Variants in TBATA observed in about 807,000 individuals in gnomAD.
TBATA encodes the protein thymus, brain and testes associated, also known as protein TBATA.
Under a neutral mutation model 38.7 loss-of-function variants are expected in TBATA, and 47 were observed. That is an observed-to-expected ratio of 1.21 (90% CI 0.96 to 1.55). TBATA has a LOEUF of 1.55. Ranked by LOEUF, TBATA falls within the 40% of genes most tolerant of loss-of-function variation. The pLI, the probability that TBATA is intolerant of heterozygous loss-of-function variation, is 0.00. For synonymous variants in TBATA, 183 were observed against 170.5 expected (o/e 1.07, Z -0.57); for missense variants, 436 against 435.6 (o/e 1.00, Z -0.01).
At chr10:70,782,725 G>A (rs1009277831) in intron 3 of TBATA, 8 of 838,748 alleles carry the variant, frequency 9.5e-6, no homozygotes, top group Non-Finnish European at 1.0e-5. Flanking sequence ...TCCCCTTCCT[G>A]AGGACGCTAT....
At position 70,776,339 on chromosome 10, in the gene TBATA, C is replaced by G. The variant is rs143042477; in HGVS notation, c.693+814G>C. On this transcript the variant is annotated intron_variant, in intron 7 of 10. Coordinates refer to ENST00000456372, the MANE Select transcript of TBATA (RefSeq NM_001318241.2). ...GTCCAACTTACCTGCCTTGTGCCCCCTCCCCACAGGACCTGAGAACCTAAT... is the reference window on the plus strand; with the variant it reads ...GTCCAACTTACCTGCCTTGTGCCCCGTCCCCACAGGACCTGAGAACCTAAT... The G allele has an allele frequency of 2.6e-4, 117 of 456,398 alleles. 1 individual carries two copies. The highest frequency in any genetic ancestry group is 2.1e-3 in the African/African-American group (107 of 50,204). The allele number at this position is 456,398 out of a possible 1,614,324, so 28.3% of individuals were successfully genotyped here.
At chr10:70,776,224 G>C in intron 7 of TBATA, 1 of 398,668 alleles carries the variant, frequency 2.5e-6, no homozygotes, top group Non-Finnish European at 5.1e-6. Flanking sequence ...CCAGGCCTCT[G>C]CCTGCTTAGG....
In TBATA at chr10:70,783,532, G is replaced by A; in HGVS notation, c.-146-7C>T. ...GTGTAAACGGGAACAGGCACTTTAG[G>A]GGGAGAAATGGTAATATCTTTTAAA... On this transcript the variant is annotated splice_polypyrimidine_tract_variant and splice_region_variant and intron_variant, in intron 2 of 10. Coordinates refer to ENST00000456372, the MANE Select transcript of TBATA (RefSeq NM_001318241.2). The A allele has an allele frequency of 1.3e-6, 1 of 761,454 alleles. No homozygotes were observed. The highest frequency in any genetic ancestry group is 2.2e-6 in the Non-Finnish European group (1 of 451,958). 47.2% of individuals were successfully genotyped at this position (761,454 alleles called of 1,614,324 possible).
rs575229807 is a variant in TBATA, at chr10:70,777,412, C to A, written c.508-74G>T. 3,199 of 1,416,712 alleles carry A rather than the reference C, an allele frequency of 2.3e-3. 7 individuals are homozygous for A. The highest frequency in any genetic ancestry group is 2.8e-3 in the Non-Finnish European group (2,926 of 1,035,418). The allele number at this position is 1,416,712 out of a possible 1,614,324, so 87.8% of individuals were successfully genotyped here. On this transcript the variant is annotated intron_variant, in intron 6 of 10. Transcript: ENST00000456372. ...AAGAGGGCTGAGGGGAGGAGAGGAG[C>A]AGGAGGCCGGGTCACAATCCCAGGG...
At chr10:70,772,435 T>TTGAC in intron 10 of TBATA, 79 bp downstream of exon 10, 1 of 1,376,708 alleles carries the variant, frequency 7.3e-7, no homozygotes. Flanking sequence ...CATCTCCAAG[T>TTGAC]TGACTGGAAT....
intron 7 of TBATA, 59 bp from the exon 8 acceptor site, chr10:70,775,329 T>G: frequency 6.6e-7 from 1 of 1,505,022 alleles, no homozygotes; most frequent in Non-Finnish European, 9.2e-7. Flanking sequence ...TACAGGCAAA[T>G]GTAGGTTTGG....
chr10:70,777,080 C>A, intron 7 of TBATA, 73 bp downstream of exon 7: 1 of 1,493,388 alleles, frequency 6.7e-7, no homozygotes, highest in African/African-American at 1.4e-5. Context: ...CTGGGAGGGG[C>A]CTTGCCCTAA....
At chr10:70,775,081 C>A (rs2132844444) in intron 8 of TBATA, 108 bp downstream of exon 8, 1 of 1,041,062 alleles carries the variant, frequency 9.6e-7, no homozygotes, top group South Asian at 1.6e-5. Flanking sequence ...CATGGAAGGC[C>A]CCCTCCAGGG....
At chr10:70,779,930 G>A (rs1054290243) in intron 4 of TBATA, among the ~76,000 whole-genome samples, 188 bp from the exon 5 acceptor site, 1 of 152,100 alleles carries the variant, frequency 6.6e-6, no homozygotes, top group Admixed American at 6.5e-5. Flanking sequence ...CCCACGGGGG[G>A]ATCCTAGAAT....
At chr10:70,773,687 A>C (rs1008327769) in intron 9 of TBATA, among the ~76,000 whole-genome samples, 2 of 152,182 alleles carry the variant, frequency 1.3e-5, no homozygotes, top group African/African-American at 4.8e-5. Context: ...ATACTGCCTC[A>C]GTGGGTTGTT....
chr10:70,782,155 C>T (rs1157173927), intron 3 of TBATA, 119 bp from the exon 4 acceptor site: 2 of 1,287,348 alleles, frequency 1.6e-6, no homozygotes, highest in Non-Finnish European at 2.1e-6. Flanking sequence ...AATCTGGTTT[C>T]CTGGGTTTCA....
At chr10:70,773,828 C>T (rs572425646) in intron 9 of TBATA, among the ~76,000 whole-genome samples, 1 of 152,368 alleles carries the variant, frequency 6.6e-6, no homozygotes, top group South Asian at 2.1e-4. Flanking sequence ...TAATCTTTCT[C>T]TTCCAGCCAT....
At position 70,778,594 on chromosome 10, in the gene TBATA, G is replaced by C. The variant is rs1843724449; in HGVS notation, c.470C>G (p.Ala157Gly). 1 of 1,614,160 alleles carries C rather than the reference G, an allele frequency of 6.2e-7. No homozygotes were observed. The highest frequency in any genetic ancestry group is 8.5e-7 in the Non-Finnish European group (1 of 1,180,032). Residue 157 changes from alanine (A) to glycine (G), a missense_variant, in exon 6 of 11, where the codon GCC (alanine) becomes GGC (glycine). By Grantham distance (60) the Ala-to-Gly change is moderately conservative. Transcript: ENST00000456372. ...KELKELASRV[A>G]FLTKEDELKK... ...CAGTTCATCCTCCTTGGTGAGGAAGGCCACCCGGGAAGCTAGCTCCTTCAA... is the reference window on the plus strand; with the variant it reads ...CAGTTCATCCTCCTTGGTGAGGAAGCCCACCCGGGAAGCTAGCTCCTTCAA...
chr10:70,783,015 C>G (rs1314488247), intron 3 of TBATA, among the ~76,000 whole-genome samples: 11 of 152,256 alleles, frequency 7.2e-5, no homozygotes, highest in Admixed American at 4.6e-4. Context: ...AGCAAACCTT[C>G]TCTGAAAGTT....
chr10:70,782,997 A>G (rs1217007791), intron 3 of TBATA, among the ~76,000 whole-genome samples: 3 of 152,238 alleles, frequency 2.0e-5, no homozygotes, highest in Non-Finnish European at 4.4e-5. Context: ...TGGGGCTTAA[A>G]GAAATAAAGC....
intron 1 of TBATA, among the ~76,000 whole-genome samples, 151 bp downstream of exon 1, chr10:70,785,134 C>A (rs1844717160): frequency 6.6e-6 from 1 of 152,198 alleles, no homozygotes; most frequent in Admixed American, 6.5e-5. Flanking sequence ...CTGCCCTGCC[C>A]TGCCCCTGCT....
chr10:70,771,750 T>A (rs1272544714), intron 10 of TBATA, among the ~76,000 whole-genome samples: 2 of 152,174 alleles, frequency 1.3e-5, no homozygotes, highest in Admixed American at 6.5e-5. Flanking sequence ...GAGAATAATA[T>A]ACATTGAGGA....
intron 6 of TBATA, chr10:70,777,682 G>C (rs1049212800): frequency 2.6e-6 from 1 of 387,576 alleles, no homozygotes; most frequent in African/African-American, 2.1e-5. Context: ...CTCCCTCCCA[G>C]GTAGGTCCTC....
chr10:70,776,067 A>T (rs1037728631), intron 7 of TBATA, among the ~76,000 whole-genome samples: 1 of 152,084 alleles, frequency 6.6e-6, no homozygotes, highest in Admixed American at 6.5e-5. Context: ...TTGGGGCCTG[A>T]GGTGAAAGGT....
Sources: gnomAD v4.1 joint callset for allele counts (sites outside exome capture counted in the v4.1 genomes callset) on GRCh38, gnomAD v4.1.1 for gene constraint, MANE v1.5 for transcripts, NCBI Gene and HGNC (gene_info 2026-07-23, HGNC 2026-07-21) for gene names.